SREK1IP1: variants seen among roughly 807,000 people sequenced by gnomAD.
SREK1IP1 encodes the protein protein SREK1IP1.
SREK1IP1 carries 12 observed loss-of-function variants against 22.8 expected under a neutral mutation model. The observed-to-expected ratio is 0.53, with a 90% CI of 0.34 to 0.85. The LOEUF (loss-of-function observed/expected upper bound fraction) is 0.85. Among genes scored for constraint, SREK1IP1 ranks in the 40% least tolerant of loss-of-function variants. SREK1IP1 has a pLI of 0.02. For synonymous variants in SREK1IP1, 53 were observed against 52.7 expected (o/e 1.01, Z -0.02); for missense variants, 147 against 171.8 (o/e 0.86, Z 0.81).
intron 1 of SREK1IP1, among the ~76,000 whole-genome samples, chr5:64,756,398 A>G (rs1466145208): frequency 6.6e-6 from 1 of 152,188 alleles, no homozygotes; most frequent in African/African-American, 2.4e-5. Flanking sequence ...TACTTCATAT[A>G]TAGGGAAATC....
intron 2 of SREK1IP1, among the ~76,000 whole-genome samples, chr5:64,745,412 G>A (rs974656922): frequency 1.1e-4 from 17 of 152,032 alleles, no homozygotes; most frequent in African/African-American, 3.6e-4. Flanking sequence ...CCAACATGGC[G>A]AAATCCTGTC....
At chr5:64,762,697 G>C (rs1742970135) in intron 1 of SREK1IP1, among the ~76,000 whole-genome samples, 1 of 152,032 alleles carries the variant, frequency 6.6e-6, no homozygotes, top group African/African-American at 2.4e-5. Flanking sequence ...TAAAAAATAG[G>C]CTAAATGAGT....
chr5:64,758,293 T>G (rs1580557843), intron 1 of SREK1IP1, among the ~76,000 whole-genome samples: 1 of 152,272 alleles, frequency 6.6e-6, no homozygotes, highest in East Asian at 1.9e-4. Context: ...CTCAGCCTCC[T>G]GAGTAGGTGG....
intron 3 of SREK1IP1, 115 bp downstream of exon 3, chr5:64,740,942 C>T: frequency 1.1e-6 from 1 of 917,008 alleles, no homozygotes; most frequent in Non-Finnish European, 1.6e-6. Flanking sequence ...ATTTCCTATG[C>T]AGTAGCTCTT....
rs986322841 is a variant in SREK1IP1, at chr5:64,721,864, T to C, written c.*2520A>G. 8 of 152,190 alleles carry C rather than the reference T, an allele frequency of 5.3e-5. No individual in the cohort carries two copies. The highest frequency in any genetic ancestry group is 1.0e-4 in the Non-Finnish European group (7 of 68,030). The allele number at this position is 152,190 out of a possible 1,614,324, so 9.4% of individuals were successfully genotyped here. A position where few individuals can be genotyped will look rare whatever the true frequency, so the allele number is the denominator to read the frequency against. ...TTGAATTTTAAAATATTGATAATTATATATATTAAACCTTGAAGTGATTTC... is the reference window on the plus strand; with the variant it reads ...TTGAATTTTAAAATATTGATAATTACATATATTAAACCTTGAAGTGATTTC... On this transcript the variant is annotated 3_prime_UTR_variant, in exon 5 of 5. Transcript: ENST00000513458.
At chr5:64,766,202 TCTTA>T (rs747049439) in intron 1 of SREK1IP1, among the ~76,000 whole-genome samples, 5 of 152,328 alleles carry the variant, frequency 3.3e-5, no homozygotes, top group Middle Eastern at 3.4e-3. Flanking sequence ...AAATTATATC[TCTTA>T]CTATTAACTA....
At chr5:64,735,222 G>A (rs756654162) in intron 3 of SREK1IP1, among the ~76,000 whole-genome samples, 3 of 151,672 alleles carry the variant, frequency 2.0e-5, no homozygotes, top group Non-Finnish European at 2.9e-5. Flanking sequence ...TAAAACAAAT[G>A]TATTCCTGAA....
chr5:64,762,668 G>A (rs75948221), intron 1 of SREK1IP1, among the ~76,000 whole-genome samples: 4,966 of 152,110 alleles, frequency 0.033, 270 homozygotes, highest in African/African-American at 0.11. Flanking sequence ...TTAATACTTC[G>A]TTAATTAATA....
intron 2 of SREK1IP1, 132 bp downstream of exon 2, chr5:64,754,183 A>G: frequency 2.6e-6 from 2 of 764,924 alleles, no homozygotes; most frequent in Non-Finnish European, 4.3e-6. Context: ...AATTTCTGTA[A>G]CTAGATGTTA....
chr5:64,746,820 A>C (rs1286236206), intron 2 of SREK1IP1, among the ~76,000 whole-genome samples: 1 of 152,214 alleles, frequency 6.6e-6, no homozygotes, highest in Non-Finnish European at 1.5e-5. Flanking sequence ...GCTCAGACCC[A>C]CAAGACTATT....
At position 64,750,320 on chromosome 5, in the gene SREK1IP1, CT is replaced by C. The variant is rs367666116; in HGVS notation, c.61+3994del. Reference sequence around the variant, plus strand: ...TGATTCTCATTATGATCTTCATTCCCTTAATGCCTTCATTTTCTCCCAGTCT... The same window carrying C: ...TGATTCTCATTATGATCTTCATTCCCTAATGCCTTCATTTTCTCCCAGTCT... On this transcript the variant is annotated intron_variant, in intron 2 of 4. Transcript: ENST00000513458. Among the ~76,000 whole-genome samples, 554 of 152,284 alleles carry C rather than the reference CT, an allele frequency of 3.6e-3. 4 individuals are homozygous for C. The highest frequency in any genetic ancestry group is 9.2e-3 in the African/African-American group (382 of 41,552).
chr5:64,724,004 G>A lies in SREK1IP1; in HGVS notation c.*380C>T. 1 of 159,574 alleles carries A rather than the reference G, an allele frequency of 6.3e-6. No individual in the cohort carries two copies. The highest frequency in any genetic ancestry group is 1.4e-5 in the Non-Finnish European group (1 of 73,102). 9.9% of individuals were successfully genotyped at this position (159,574 alleles called of 1,614,324 possible). On this transcript the variant is annotated 3_prime_UTR_variant, in exon 5 of 5. Coordinates refer to ENST00000513458, the MANE Select transcript of SREK1IP1 (RefSeq NM_173829.4). ...TACCTTGCTTCATCATTGGAAGGTG[G>A]ACACCTGATCCAGCAATACTCATTA...
intron 1 of SREK1IP1, among the ~76,000 whole-genome samples, chr5:64,761,357 C>T (rs1471527162): frequency 1.3e-5 from 2 of 152,130 alleles, no homozygotes; most frequent in Non-Finnish European, 2.9e-5. Context: ...AAAATACAGT[C>T]ATGTTTCATT....
intron 1 of SREK1IP1, among the ~76,000 whole-genome samples, chr5:64,765,948 G>A (rs1418894108): frequency 6.6e-6 from 1 of 152,198 alleles, no homozygotes; most frequent in Non-Finnish European, 1.5e-5. Flanking sequence ...TTTGGGTGCA[G>A]CTGTGTGGTA....
intron 3 of SREK1IP1, among the ~76,000 whole-genome samples, chr5:64,733,346 C>A (rs993348832): frequency 2.0e-5 from 3 of 151,984 alleles, no homozygotes; most frequent in African/African-American, 7.2e-5. Context: ...AAAGAACATA[C>A]AAAATATACA....
chr5:64,745,350 G>A (rs753940544), intron 2 of SREK1IP1, among the ~76,000 whole-genome samples: 2 of 152,166 alleles, frequency 1.3e-5, no homozygotes, highest in Non-Finnish European at 2.9e-5. Flanking sequence ...CAGCACTTAG[G>A]GAGGCTGAGG....
intron 1 of SREK1IP1, among the ~76,000 whole-genome samples, chr5:64,755,323 A>C (rs1742820175): frequency 6.6e-6 from 1 of 152,202 alleles, no homozygotes; most frequent in Non-Finnish European, 1.5e-5. Flanking sequence ...GGTGCCCATC[A>C]ATGGTGGATT....
Position 64,751,032 on chromosome 5 carries a change from C to A in SREK1IP1, c.61+3283G>T, listed in dbSNP as rs2112105016. Among the ~76,000 whole-genome samples the A allele has an allele frequency of 1.3e-5, 2 of 152,308 alleles. 1 individual carries two copies. The highest frequency in any genetic ancestry group is 4.2e-4 in the South Asian group (2 of 4,816). On this transcript the variant is annotated intron_variant, in intron 2 of 4. Coordinates refer to ENST00000513458, the MANE Select transcript of SREK1IP1 (RefSeq NM_173829.4). ...TTGGCTTTCTCTATTTCATCCCCCA[C>A]CACTCAGGCCTGAATCTACACACTT...
chr5:64,727,979 C>T, intron 4 of SREK1IP1, 128 bp downstream of exon 4: 1 of 886,042 alleles, frequency 1.1e-6, no homozygotes, highest in East Asian at 5.6e-5. Flanking sequence ...TAAACTTAAG[C>T]TCAATGAAAA....
Sources: allele counts gnomAD v4.1 joint callset (sites outside exome capture counted in the v4.1 genomes callset), GRCh38; gene constraint gnomAD v4.1.1; transcripts MANE v1.5; gene names NCBI Gene and HGNC (gene_info 2026-07-23, HGNC 2026-07-21).